Variants in DYNC1H1 observed in about 807,000 individuals in gnomAD.
DYNC1H1 encodes the protein dynein cytoplasmic 1 heavy chain 1.
In DYNC1H1, 51 loss-of-function variants were observed where a neutral mutation model predicts 527.1. The ratio of observed to expected loss-of-function variants is 0.10; its 90% CI spans 0.08 to 0.12. The LOEUF is 0.12. Ranked by LOEUF, DYNC1H1 falls within the 10% of genes least tolerant of loss-of-function variation. DYNC1H1 has a pLI of 1.00. For missense variants in DYNC1H1, 2,771 were observed against 5,971.8 expected (o/e 0.46, Z 17.66); for synonymous variants, 2,189 against 2,278.8 (o/e 0.96, Z 1.12).
chr14:101,985,930 C>A lies in DYNC1H1; in HGVS notation c.1705C>A (p.Arg569=). The change falls in exon 8 of 78, where the codon CGG becomes AGG. Residue 569 remains arginine (R), a synonymous_variant. Transcript: ENST00000360184. This position sits in a 1 kb window ranked among gnomAD's most constrained non-coding sequence, Gnocchi z 5.9. ...RVETRITARL[R]DQLGTAKNAN... is the part of the protein sequence containing the mutation. Reference sequence around the variant, plus strand: ...GGAGACCCGGATCACCGCTCGCCTTCGGGATCAGCTTGGCACAGCCAAGAA... The same window carrying A: ...GGAGACCCGGATCACCGCTCGCCTTAGGGATCAGCTTGGCACAGCCAAGAA... 2 of 1,614,200 alleles carry A rather than the reference C, an allele frequency of 1.2e-6. No individual in the cohort carries two copies. Among genetic ancestry groups the A allele is most frequent in the Non-Finnish European group, 1.7e-6 (2 of 1,180,046 alleles).
intron 17 of DYNC1H1, 21 bp downstream of exon 17, chr14:102,000,165 G>A: frequency 6.2e-7 from 1 of 1,614,156 alleles, no homozygotes; most frequent in Non-Finnish European, 8.5e-7. Context: ...CTGGGGAGTG[G>A]GTGGAGAATC....
intron 8 of DYNC1H1, 36 bp from the exon 9 acceptor site, chr14:101,987,417 G>T (rs1196941782): frequency 6.3e-7 from 1 of 1,586,690 alleles, no homozygotes; most frequent in African/African-American, 1.3e-5. Flanking sequence ...CAGAGTGTGA[G>T]TGGGTGTTTT....
rs1191181845 is a variant in DYNC1H1 at position 102,036,456 on chromosome 14, T to A, written c.10755-33T>A. The A allele has an allele frequency of 3.1e-6, 5 of 1,612,344 alleles. No individual in the cohort carries two copies. The highest frequency in any genetic ancestry group is 4.2e-6 in the Non-Finnish European group (5 of 1,179,478). On this transcript the variant is annotated intron_variant, in intron 56 of 77. Transcript: ENST00000360184. The surrounding 1 kb of genome is among the most constrained non-coding windows in gnomAD (Gnocchi z 5.6). The stretch of plus-strand genomic sequence containing the variant: ...GATCCTGTGCTTTCCCCATTCGGTG[T>A]TTCAACCTTCTCTTCTGTGGCCTCA...
In DYNC1H1 at chr14:102,029,596, T is replaced by G; in HGVS notation, c.9526T>G (p.Tyr3176Asp). 1 of 1,614,214 alleles carries G rather than the reference T, an allele frequency of 6.2e-7. No individual in the cohort carries two copies. Among genetic ancestry groups the G allele is most frequent in the Non-Finnish European group, 8.5e-7 (1 of 1,180,046 alleles). ...GRTMAITPRH[Y>D]LDFINHYANL... ...AACGATGGCCATCACCCCTCGCCAC[T>G]ACCTGGACTTCATCAATCACTATGC... The change falls in exon 49 of 78, where the codon TAC (tyrosine) becomes GAC (aspartate). Residue 3176 changes from tyrosine to aspartate, a missense_variant. Tyr to Asp is a radical substitution (Grantham distance 160, BLOSUM62 -3). This residue lies in a region of DYNC1H1 where 67 missense variants were observed against 128.2 expected (regional missense o/e 0.52). Transcript: ENST00000360184. The surrounding 1 kb of genome is among the most constrained non-coding windows in gnomAD (Gnocchi z 5.3).
In DYNC1H1 at chr14:102,010,271, TC is replaced by T; in HGVS notation, c.6222-4del. ...TAAAGATAGCCTTTTTTTCTTCTTT[TC>T]TAGACTATGCGATGAGCAGCTCTCT... On this transcript the variant is annotated splice_region_variant and splice_polypyrimidine_tract_variant and intron_variant, in intron 30 of 77. Transcript: ENST00000360184. The surrounding 1 kb of genome is among the most constrained non-coding windows in gnomAD (Gnocchi z 6.0). 1.9e-6 allele frequency: 3 copies of T among 1,613,980 alleles called. No individual in the cohort carries two copies. The highest frequency in any genetic ancestry group is 2.5e-6 in the Non-Finnish European group (3 of 1,180,030).
At position 102,049,067 on chromosome 14, in the gene DYNC1H1, G is replaced by C; in HGVS notation, c.13373-373G>C. ...GGGCATGGGGGGCTCATCCAAAGTT[G>C]TGGGGAGCCCCCAGCATCCTCCTGT... On this transcript the variant is annotated intron_variant, in intron 74 of 77. Coordinates refer to ENST00000360184, the MANE Select transcript of DYNC1H1 (RefSeq NM_001376.5). This position sits in a 1 kb window ranked among gnomAD's most constrained non-coding sequence, Gnocchi z 5.5. The C allele has an allele frequency of 4.7e-6, 2 of 426,840 alleles. No homozygotes were observed. 26.4% of individuals were successfully genotyped at this position (426,840 alleles called of 1,614,324 possible).
Position 102,011,091 on chromosome 14 carries a change from C to G in DYNC1H1, c.6618+139C>G, listed in dbSNP as rs2048253884. 2 of 921,680 alleles carry G rather than the reference C, an allele frequency of 2.2e-6. No individual in the cohort carries two copies. The highest frequency in any genetic ancestry group is 1.4e-5 in the South Asian group (1 of 71,702). The allele number at this position is 921,680 out of a possible 1,614,324, so 57.1% of individuals were successfully genotyped here. A position where few individuals can be genotyped will look rare whatever the true frequency, so the allele number is the denominator to read the frequency against. ...CATAATATGCTTTATGAAGATTTGC[C>G]CAAGGCCTATTTGAATTTTTGTTGT... On this transcript the variant is annotated intron_variant, in intron 32 of 77. Coordinates refer to ENST00000360184, the MANE Select transcript of DYNC1H1 (RefSeq NM_001376.5). This position sits in a 1 kb window ranked among gnomAD's most constrained non-coding sequence, Gnocchi z 5.3.
rs189135644 is a variant in DYNC1H1 at position 101,965,636 on chromosome 14, A to G, written c.256+689A>G. 3.4e-4 allele frequency among the ~76,000 whole-genome samples: 52 copies of G among 152,138 alleles called. No individual in the cohort carries two copies. The East Asian group carries it at 9.3e-3, about 27-fold the overall frequency. On this transcript the variant is annotated intron_variant, in intron 1 of 77. Coordinates refer to ENST00000360184, the MANE Select transcript of DYNC1H1 (RefSeq NM_001376.5). This position sits in a 1 kb window ranked among gnomAD's most constrained non-coding sequence, Gnocchi z 4.1. ...TGTATCCTGATTTTACACCTGAGGA[A>G]ACTGAGGCTCAGGTTAAGTGATTTC... is the stretch of plus-strand genomic sequence containing the variant.
At chr14:101,980,611 A>G (rs1595598004) in intron 5 of DYNC1H1, 61 bp downstream of exon 5, 1 of 1,570,518 alleles carries the variant, frequency 6.4e-7, no homozygotes, top group Non-Finnish European at 8.7e-7. Flanking sequence ...ACGAGATCTT[A>G]CTTGATAATT....
chr14:101,992,966 T>C (rs2048015328), intron 11 of DYNC1H1, among the ~76,000 whole-genome samples: 1 of 152,118 alleles, frequency 6.6e-6, no homozygotes, highest in South Asian at 2.1e-4. Flanking sequence ...TTGTTGACTT[T>C]AAATGCCACC....
At chr14:101,990,393 T>G (rs1020953024) in intron 10 of DYNC1H1, among the ~76,000 whole-genome samples, 1 of 152,152 alleles carries the variant, frequency 6.6e-6, no homozygotes, top group Non-Finnish European at 1.5e-5. Flanking sequence ...GTGTGTTCAA[T>G]CCCTGGGCAC....
chr14:101,991,413 C>T, intron 10 of DYNC1H1, 114 bp from the exon 11 acceptor site: 1 of 1,349,074 alleles, frequency 7.4e-7, no homozygotes, highest in Non-Finnish European at 1.0e-6. Flanking sequence ...TACAGTGAGC[C>T]AAGGTTGTGC....
chr14:101,992,279 A>G (rs1203003865), intron 11 of DYNC1H1, among the ~76,000 whole-genome samples: 5 of 152,182 alleles, frequency 3.3e-5, no homozygotes, highest in African/African-American at 1.2e-4. Flanking sequence ...CTTAACTTTG[A>G]ATATAAACTC....
At chr14:101,978,979 C>T (rs968843090) in intron 2 of DYNC1H1, among the ~76,000 whole-genome samples, 11 of 152,178 alleles carry the variant, frequency 7.2e-5, no homozygotes, top group Non-Finnish European at 7.3e-5. Context: ...TCACCTTAAC[C>T]AGTGAGCAAC....
At chr14:102,046,500 G>C (rs536422481) in intron 72 of DYNC1H1, among the ~76,000 whole-genome samples, 15 of 134,828 alleles carry the variant, frequency 1.1e-4, no homozygotes, top group Non-Finnish European at 2.5e-4. Flanking sequence ...CAGGCGAGCT[G>C]GGCGGGTCTG....
At position 102,039,920 on chromosome 14, in the gene DYNC1H1, C is replaced by T. The variant is rs955198224; in HGVS notation, c.11690+188C>T. On this transcript the variant is annotated intron_variant, in intron 62 of 77. Coordinates refer to ENST00000360184, the MANE Select transcript of DYNC1H1 (RefSeq NM_001376.5). The surrounding 1 kb of genome is among the most constrained non-coding windows in gnomAD (Gnocchi z 7.0). ...TGGTGTAATCTCACCTCACTGCAAC[C>T]TCCACCTCCCAGGTTCAAGCAATTC... 6.6e-6 allele frequency among the ~76,000 whole-genome samples: 1 copy of T among 152,200 alleles called. No individual in the cohort carries two copies. Among genetic ancestry groups the T allele is most frequent in the South Asian group, 2.1e-4 (1 of 4,824 alleles).
rs780971776 is a variant in DYNC1H1 at position 101,983,236 on chromosome 14, C to A, written c.1179C>A (p.Leu393=). The change falls in exon 6 of 78, where the codon CTC becomes CTA. Residue 393 remains leucine (L), a synonymous_variant. Transcript: ENST00000360184. This position sits in a 1 kb window ranked among gnomAD's most constrained non-coding sequence, Gnocchi z 5.3. ...AISRDLSSQL[L]KVLGTRKLMH... is the part of the protein sequence containing the mutation. The stretch of plus-strand genomic sequence containing the variant: ...CAAGAGACTTGAGTTCTCAATTACT[C>A]AAAGTATTGGGCACTAGGAAATTGA... 1.2e-6 allele frequency: 2 copies of A among 1,614,004 alleles called. No homozygotes were observed. The highest frequency in any genetic ancestry group is 2.7e-5 in the African/African-American group (2 of 74,894).
chr14:101,995,877 A>G (rs892271659), intron 15 of DYNC1H1, among the ~76,000 whole-genome samples: 2 of 152,010 alleles, frequency 1.3e-5, no homozygotes, highest in South Asian at 2.1e-4. Flanking sequence ...CCTGGCCAAC[A>G]TAGTGAAACC....
chr14:101,972,737 T>C (rs796490518), intron 1 of DYNC1H1, among the ~76,000 whole-genome samples: 458 of 152,198 alleles, frequency 3.0e-3, no homozygotes, highest in African/African-American at 0.011. Flanking sequence ...GATTCAGAGT[T>C]AACAAGCCAT....
Sources: gnomAD v4.1 joint callset for allele counts (sites outside exome capture counted in the v4.1 genomes callset) on GRCh38, gnomAD v4.1.1 for gene constraint, gnomAD v4.1.1 regional missense constraint, Gnocchi (gnomAD v3.1) non-coding constraint, MANE v1.5 for transcripts, NCBI Gene and HGNC (gene_info 2026-07-23, HGNC 2026-07-21) for gene names.